Variants in PRKAR1A observed in about 807,000 individuals in gnomAD.
The protein encoded by PRKAR1A is cAMP-dependent protein kinase type I-alpha regulatory subunit.
A neutral mutation model predicts 52.0 loss-of-function variants in PRKAR1A; 3 were observed. The observed-to-expected ratio is 0.06, with a 90% CI of 0.03 to 0.15. The LOEUF (loss-of-function observed/expected upper bound fraction) is 0.15, where lower values mean the gene tolerates loss of function less well. Ranked by LOEUF, PRKAR1A falls within the 10% of genes least tolerant of loss-of-function variation. The pLI is 1.00. For missense variants in PRKAR1A, 240 were observed against 477.4 expected, an observed-to-expected ratio of 0.50 and a Z score of 4.63; for synonymous variants, 188 against 168.4, an observed-to-expected ratio of 1.12 and a Z score of -0.90.
At position 68,530,504 on chromosome 17, in the gene PRKAR1A, G is replaced by T. The variant is rs764575965; in HGVS notation, c.*55G>T. On this transcript the variant is annotated 3_prime_UTR_variant, in exon 11 of 11. Transcript: ENST00000589228. The stretch of plus-strand genomic sequence containing the variant: ...TCTCCCCAATCCATGCTTCACTCAT[G>T]CAAACTGCTTTATTTTCCCTACTTG... 1.3e-4 allele frequency: 210 copies of T among 1,613,442 alleles called. 1 individual carries two copies. The highest frequency in any genetic ancestry group is 5.0e-5 in the Non-Finnish European group (59 of 1,179,818).
At chr17:68,489,764 C>T in the PRKAR1A span, among the ~76,000 whole-genome samples, 2 of 151,810 alleles carry the variant, frequency 1.3e-5, no homozygotes, top group Non-Finnish European at 2.9e-5. Flanking sequence ...CCACGTTGGC[C>T]AGCCCGGTCT....
At chr17:68,536,081 G>T (rs1216557178), downstream of PRKAR1A, 2 of 454,006 alleles carry the variant, frequency 4.4e-6, no homozygotes, top group South Asian at 1.6e-5. Context: ...ATTTTAGAGA[G>T]ACACAAAGTC....
chr17:68,420,201 C>G, the PRKAR1A span: 3 of 1,613,918 alleles, frequency 1.9e-6, no homozygotes, highest in Non-Finnish European at 2.5e-6. Context: ...GGAGCCAGGG[C>G]GTGTGATGGG....
intron 11 of PRKAR1A, among the ~76,000 whole-genome samples, chr17:68,548,463 G>A (rs963269051): frequency 6.6e-6 from 1 of 152,050 alleles, no homozygotes; most frequent in Non-Finnish European, 1.5e-5. Flanking sequence ...CCAGGAGGCA[G>A]AGGTTGCAGC....
the PRKAR1A span, among the ~76,000 whole-genome samples, chr17:68,475,349 T>C: frequency 6.6e-6 from 1 of 152,256 alleles, no homozygotes; most frequent in Middle Eastern, 3.2e-3. Context: ...CAACCCCTTG[T>C]GTAAAGCATA....
the PRKAR1A span, chr17:68,451,031 G>C: frequency 7.9e-7 from 1 of 1,259,368 alleles, no homozygotes; most frequent in Non-Finnish European, 1.1e-6. Context: ...CGCCCTCTCT[G>C]AGCTTGCATT....
At position 68,532,637 on chromosome 17, in the gene PRKAR1A, C is replaced by A. The variant is rs6958; in HGVS notation, c.*2188C>A. ...TACTGCTCTAGAAAGTATAGATGGC[C>A]AAAGGACCGTTTTGTATTGCTTCCT... On this transcript the variant is annotated 3_prime_UTR_variant, in exon 11 of 11. Coordinates refer to ENST00000589228, the MANE Select transcript of PRKAR1A (RefSeq NM_002734.5). 8 of 1,065,848 alleles carry A rather than the reference C, an allele frequency of 7.5e-6. No homozygotes were observed. The highest frequency in any genetic ancestry group is 6.6e-5 in the African/African-American group (4 of 60,978). The allele number at this position is 1,065,848 out of a possible 1,614,324, so 66.0% of individuals were successfully genotyped here.
chr17:68,457,691 C>T, the PRKAR1A span, among the ~76,000 whole-genome samples: 1 of 152,110 alleles, frequency 6.6e-6, no homozygotes, highest in African/African-American at 2.4e-5. Context: ...CCTCCGGCCA[C>T]CATTGGCCAC....
chr17:68,472,290 C>T, the PRKAR1A span, among the ~76,000 whole-genome samples: 1 of 152,290 alleles, frequency 6.6e-6, no homozygotes, highest in Admixed American at 6.5e-5. Context: ...TCGAAGCTCT[C>T]AGACCCTCAC....
the PRKAR1A span, among the ~76,000 whole-genome samples, chr17:68,489,904 C>T: frequency 6.6e-6 from 1 of 152,032 alleles, no homozygotes; most frequent in Admixed American, 6.6e-5. Context: ...TAGATATTAC[C>T]AGGGACTGGT....
At chr17:68,477,872 G>A in the PRKAR1A span, among the ~76,000 whole-genome samples, 1 of 151,954 alleles carries the variant, frequency 6.6e-6, no homozygotes, top group Non-Finnish European at 1.5e-5. Flanking sequence ...ACAGGAACAC[G>A]CCACTACACC....
chr17:68,505,944 T>A, the PRKAR1A span, among the ~76,000 whole-genome samples: 2 of 152,246 alleles, frequency 1.3e-5, no homozygotes, highest in Non-Finnish European at 2.9e-5. Context: ...GAACTCTCTG[T>A]ATTTTCTGCC....
the PRKAR1A span, among the ~76,000 whole-genome samples, chr17:68,435,101 G>A: frequency 6.6e-6 from 1 of 152,026 alleles, no homozygotes; most frequent in African/African-American, 2.4e-5. Context: ...CAGCTACTCG[G>A]GAGGCTGAGG....
chr17:68,496,013 CCTGCG>C, the PRKAR1A span, among the ~76,000 whole-genome samples: 4 of 1,552 alleles, frequency 2.6e-3, no homozygotes, highest in East Asian at 0.015. Flanking sequence ...CCTCCCCTCC[CCTGCG>C]CTCCCCTCCT....
chr17:68,452,373 T>C, the PRKAR1A span, among the ~76,000 whole-genome samples: 1 of 152,318 alleles, frequency 6.6e-6, no homozygotes, highest in South Asian at 2.1e-4. Context: ...GAGACCAGCC[T>C]GGCCAACGTG....
chr17:68,441,548 T>C, the PRKAR1A span, among the ~76,000 whole-genome samples: 7 of 152,228 alleles, frequency 4.6e-5, no homozygotes, highest in Middle Eastern at 0.01. Context: ...CTCTGGGGAA[T>C]GTATAATTGG....
At chr17:68,430,217 A>T in the PRKAR1A span, 1 of 1,540,384 alleles carries the variant, frequency 6.5e-7, no homozygotes, top group Non-Finnish European at 8.8e-7. Context: ...ACACGCACCC[A>T]GGAATCTCCA....
chr17:68,470,206 C>T, the PRKAR1A span, among the ~76,000 whole-genome samples: 1 of 152,002 alleles, frequency 6.6e-6, no homozygotes, highest in African/African-American at 2.4e-5. Flanking sequence ...CTTCAGCCTC[C>T]TAATAGCTGG....
chr17:68,448,195 C>T, the PRKAR1A span: 1 of 152,204 alleles, frequency 6.6e-6, no homozygotes, highest in African/African-American at 2.4e-5. Flanking sequence ...CCGGACACCA[C>T]AGAATCCCTA....
Sources: gnomAD v4.1 joint callset for allele counts (sites outside exome capture counted in the v4.1 genomes callset) on GRCh38, gnomAD v4.1.1 for gene constraint, MANE v1.5 for transcripts, NCBI Gene and HGNC (gene_info 2026-07-23, HGNC 2026-07-21) for gene names.